Variants in E2F3 observed in about 807,000 individuals in gnomAD.
E2F3 encodes the protein E2F transcription factor 3, also known as transcription factor E2F3.
In E2F3, 11 loss-of-function variants were observed where a neutral mutation model predicts 44.4. The observed-to-expected ratio is 0.25, with a 90% CI of 0.16 to 0.41. E2F3 has a LOEUF of 0.41. Among genes scored for constraint, E2F3 ranks in the 10% least tolerant of loss-of-function variants. The pLI, the probability that E2F3 is intolerant of heterozygous loss-of-function variation, is 1.00. For synonymous variants in E2F3, 249 were observed against 253.0 expected (o/e 0.98, Z 0.15); for missense variants, 487 against 583.6 (o/e 0.83, Z 1.70).
rs1173277964 is a variant in E2F3 at position 20,481,287 on chromosome 6, A to T, written c.587A>T (p.Gln196Leu). 2 of 1,614,168 alleles carry T rather than the reference A, an allele frequency of 1.2e-6. No individual in the cohort carries two copies. Among genetic ancestry groups the T allele is most frequent in the Admixed American group, 3.3e-5 (2 of 60,022 alleles). ...AAGAAGTTCATTCAGCTCCTGAGCCAGTCACCCGATGGGGTATTGGATTTG... is the reference window on the plus strand; with the variant it reads ...AAGAAGTTCATTCAGCTCCTGAGCCTGTCACCCGATGGGGTATTGGATTTG... ...LTKKFIQLLS[Q>L]SPDGVLDLNK... Residue 196 changes from glutamine to leucine, a missense_variant, in exon 3 of 7, where the codon CAG becomes CTG. Around this residue, in one of 3 missense-constraint regions of E2F3, gnomAD observed 29 missense variants for 85.9 expected, o/e 0.34. Coordinates refer to ENST00000346618, the MANE Select transcript of E2F3 (RefSeq NM_001949.5).
At position 20,490,136 on chromosome 6, in the gene E2F3, A is replaced by T. The variant is rs533460903; in HGVS notation, c.1136-32A>T. The T allele has an allele frequency of 6.5e-7, 1 of 1,538,766 alleles. No individual in the cohort carries two copies. Among genetic ancestry groups the T allele is most frequent in the Non-Finnish European group, 8.7e-7 (1 of 1,143,064 alleles). On this transcript the variant is annotated intron_variant, in intron 6 of 6. Coordinates refer to ENST00000346618, the MANE Select transcript of E2F3 (RefSeq NM_001949.5). This position sits in a 1 kb window ranked among gnomAD's most constrained non-coding sequence, Gnocchi z 4.3. ...AAAATTCATTTGATTTTTCTAACTT[A>T]TTTTTTGTTTCCATCAATGTTTTCT...
At chr6:20,450,196 C>T (rs185341252) in intron 1 of E2F3, among the ~76,000 whole-genome samples, 3 of 152,280 alleles carry the variant, frequency 2.0e-5, no homozygotes, top group Admixed American at 1.3e-4. Flanking sequence ...CTTGAGAAAT[C>T]GCCACACTGC....
At chr6:20,403,704 CA>C (rs1438673758) in intron 1 of E2F3, 9 of 739,844 alleles carry the variant, frequency 1.2e-5, no homozygotes, top group Non-Finnish European at 1.7e-5. Context: ...CTCCTCTCCC[CA>C]CCCCCCCACC....
intron 1 of E2F3, among the ~76,000 whole-genome samples, chr6:20,426,063 C>A (rs1292070555): frequency 6.6e-6 from 1 of 152,122 alleles, no homozygotes; most frequent in Non-Finnish European, 1.5e-5. Flanking sequence ...GACTAAGAGG[C>A]CTGTGACAAT....
intron 1 of E2F3, among the ~76,000 whole-genome samples, chr6:20,439,208 C>T (rs1394907245): frequency 6.6e-6 from 1 of 152,082 alleles, no homozygotes; most frequent in East Asian, 1.9e-4. Flanking sequence ...AACATTTTTT[C>T]TCTTGATTTT....
chr6:20,486,613 C>T, intron 4 of E2F3, 76 bp from the exon 5 acceptor site: 1 of 816,920 alleles, frequency 1.2e-6, no homozygotes, highest in Non-Finnish European at 2.0e-6. Flanking sequence ...TTAAAATATT[C>T]CATGCATCTA....
intron 1 of E2F3, among the ~76,000 whole-genome samples, chr6:20,422,064 C>T (rs1760047968): frequency 1.3e-5 from 2 of 152,226 alleles, no homozygotes; most frequent in South Asian, 4.1e-4. Context: ...GTGGTATCAT[C>T]TTCCAATAGA....
chr6:20,421,203 TA>T (rs1320079422), intron 1 of E2F3, among the ~76,000 whole-genome samples: 2 of 152,308 alleles, frequency 1.3e-5, no homozygotes, highest in African/African-American at 2.4e-5. Context: ...CTGTCATCCA[TA>T]AGGGTTGGGA....
intron 1 of E2F3, among the ~76,000 whole-genome samples, chr6:20,456,233 C>G (rs998795279): frequency 1.3e-5 from 2 of 151,578 alleles, no homozygotes; most frequent in South Asian, 2.1e-4. Context: ...TTCTAGTCCT[C>G]TCTACACTTT....
intron 1 of E2F3, among the ~76,000 whole-genome samples, chr6:20,456,116 C>A (rs1404934581): frequency 6.6e-6 from 1 of 151,314 alleles, no homozygotes; most frequent in Non-Finnish European, 1.5e-5. Context: ...TGGGTCTTAC[C>A]CAGAGATGGT....
At position 20,415,450 on chromosome 6, in the gene E2F3, T is replaced by C. The variant is rs747101078; in HGVS notation, c.393+12825T>C. ...TGGTGGAGGGCTGTCCTGTGCATTG[T>C]AGCAAGTTTAGCAGGATCCCTGGCC... On this transcript the variant is annotated intron_variant, in intron 1 of 6. Transcript: ENST00000346618. Among the ~76,000 whole-genome samples the C allele has an allele frequency of 1.5e-3, 232 of 152,156 alleles. 2 individuals are homozygous for C. The highest frequency in any genetic ancestry group is 1.4e-3 in the Non-Finnish European group (94 of 68,030).
chr6:20,417,823 T>G (rs1228632696), intron 1 of E2F3, among the ~76,000 whole-genome samples: 3 of 152,124 alleles, frequency 2.0e-5, no homozygotes, highest in Non-Finnish European at 4.4e-5. Context: ...CCAGGTTCTG[T>G]TATATATAGT....
At chr6:20,412,480 A>T (rs1759706658) in intron 1 of E2F3, among the ~76,000 whole-genome samples, 1 of 152,162 alleles carries the variant, frequency 6.6e-6, no homozygotes, top group East Asian at 1.9e-4. Flanking sequence ...GGCAGGCAGA[A>T]AGATTGGCGT....
chr6:20,415,795 C>T (rs1759826476), intron 1 of E2F3, among the ~76,000 whole-genome samples: 1 of 152,132 alleles, frequency 6.6e-6, no homozygotes, highest in Non-Finnish European at 1.5e-5. Flanking sequence ...GCCACCTAAG[C>T]CCTGTCTTTT....
At position 20,465,655 on chromosome 6, in the gene E2F3, C is replaced by T. The variant is rs190962072; in HGVS notation, c.394-14191C>T. Reference sequence around the variant, plus strand: ...CCATTGTGTCATTCTTATGCCTTTGCATCCTCATAGCTTAGCTCCCACCTA... The same window carrying T: ...CCATTGTGTCATTCTTATGCCTTTGTATCCTCATAGCTTAGCTCCCACCTA... On this transcript the variant is annotated intron_variant, in intron 1 of 6. Coordinates refer to ENST00000346618, the MANE Select transcript of E2F3 (RefSeq NM_001949.5). Among the ~76,000 whole-genome samples the T allele has an allele frequency of 5.3e-5, 8 of 152,308 alleles. No individual in the cohort carries two copies. The East Asian group carries it at 1.5e-3, about 29-fold the overall frequency.
chr6:20,487,807 A>G (rs1762438342), intron 5 of E2F3, among the ~76,000 whole-genome samples: 1 of 152,166 alleles, frequency 6.6e-6, no homozygotes. Context: ...AGACTATTCA[A>G]CTGTGCACCT....
rs773205736 is a variant in E2F3, at chr6:20,490,295, G to A, written c.1263G>A (p.Pro421=). 18 of 1,613,992 alleles carry A rather than the reference G, an allele frequency of 1.1e-5. No individual in the cohort carries two copies. The highest frequency in any genetic ancestry group is 4.4e-5 in the South Asian group (4 of 91,082). The change falls in exon 7 of 7, where the codon CCG becomes CCA. Residue 421 remains proline (P), a synonymous_variant. Coordinates refer to ENST00000346618, the MANE Select transcript of E2F3 (RefSeq NM_001949.5). The surrounding 1 kb of genome is among the most constrained non-coding windows in gnomAD (Gnocchi z 4.3). The stretch of plus-strand genomic sequence containing the variant: ...AAATTCCTTCCAACCTAGAAGGACC[G>A]TTTGTGAACTTACTGCCTCCCCTGC... The part of the protein sequence containing the change: ...EDQIPSNLEG[P]FVNLLPPLLQ...
intron 4 of E2F3, 128 bp from the exon 5 acceptor site, chr6:20,486,561 C>T (rs1040096926): frequency 2.2e-5 from 12 of 545,848 alleles, no homozygotes; most frequent in Non-Finnish European, 3.5e-5. Context: ...TGTGAGCCAC[C>T]GCGCCCGGCC....
chr6:20,423,496 G>A (rs137974845), intron 1 of E2F3, among the ~76,000 whole-genome samples: 1 of 152,168 alleles, frequency 6.6e-6, no homozygotes, highest in Non-Finnish European at 1.5e-5. Context: ...TTGAGACCAA[G>A]TCTTGCTCTT....
Sources: gnomAD v4.1 joint callset for allele counts (sites outside exome capture counted in the v4.1 genomes callset) on GRCh38, gnomAD v4.1.1 for gene constraint, gnomAD v4.1.1 regional missense constraint, Gnocchi (gnomAD v3.1) non-coding constraint, MANE v1.5 for transcripts, NCBI Gene and HGNC (gene_info 2026-07-23, HGNC 2026-07-21) for gene names.